Variants in CDH18 observed in about 807,000 individuals in gnomAD.
The protein encoded by CDH18 is cadherin-18.
Under a neutral mutation model 67.9 loss-of-function variants are expected in CDH18, and 31 were observed. The ratio of observed to expected loss-of-function variants is 0.46; its 90% CI spans 0.34 to 0.62. The LOEUF is 0.62. Ranked by LOEUF, CDH18 falls within the 20% of genes least tolerant of loss-of-function variation. CDH18 has a pLI of 0.01. For missense variants in CDH18, 890 were observed against 975.5 expected, an observed-to-expected ratio of 0.91 and a Z score of 1.17; for synonymous variants, 362 against 347.2, an observed-to-expected ratio of 1.04 and a Z score of -0.48.
At chr5:19,563,991 G>T (rs1490334132) in intron 8 of CDH18, among the ~76,000 whole-genome samples, 1 of 152,162 alleles carries the variant, frequency 6.6e-6, no homozygotes, top group Non-Finnish European at 1.5e-5. Context: ...AGCAAAAAGT[G>T]ACAGAACACA....
intron 2 of CDH18, among the ~76,000 whole-genome samples, chr5:19,967,899 T>C (rs1278872765): frequency 1.3e-5 from 2 of 152,098 alleles, no homozygotes; most frequent in Admixed American, 6.6e-5. Flanking sequence ...GGAAGTCAAA[T>C]TGTCCCTGTC....
At chr5:20,008,330 A>G (rs1034915262) in intron 2 of CDH18, among the ~76,000 whole-genome samples, 1 of 152,150 alleles carries the variant, frequency 6.6e-6, no homozygotes, top group African/African-American at 2.4e-5. Context: ...AATTTCTGAG[A>G]ACAAACCTTT....
chr5:19,795,029 C>T (rs1776717176), intron 3 of CDH18, among the ~76,000 whole-genome samples: 1 of 152,056 alleles, frequency 6.6e-6, no homozygotes, highest in South Asian at 2.1e-4. Flanking sequence ...TGTTTCCTGT[C>T]CCACAACCTG....
chr5:20,422,734 G>T (rs1747961035), intron 1 of CDH18, among the ~76,000 whole-genome samples: 2 of 151,046 alleles, frequency 1.3e-5, no homozygotes, highest in Admixed American at 1.3e-4. Context: ...CTGAAAGTAG[G>T]TGAAAAACTA....
rs570235662 is a variant in CDH18, at chr5:20,377,188, T to C, written c.-579-121683A>G. ...TCAACATTTGTCTGCCAATAGAATT[T>C]TGATGGTGTACTGAATAACAATAAC... On this transcript the variant is annotated intron_variant, in intron 1 of 14. Coordinates refer to the CDH18 transcript ENST00000507958. 9.2e-5 allele frequency among the ~76,000 whole-genome samples: 14 copies of C among 152,270 alleles called. No individual in the cohort carries two copies. The East Asian group carries it at 2.7e-3, about 29-fold the overall frequency.
chr5:20,403,271 AT>A (rs551757913), intron 1 of CDH18, among the ~76,000 whole-genome samples: 19 of 151,144 alleles, frequency 1.3e-4, no homozygotes, highest in African/African-American at 2.4e-4. Flanking sequence ...TATAGCCTTA[AT>A]TTTTTTTTTC....
intron 1 of CDH18, among the ~76,000 whole-genome samples, chr5:20,494,711 A>G (rs1561062531): frequency 6.6e-6 from 1 of 152,156 alleles, no homozygotes; most frequent in Admixed American, 6.6e-5. Context: ...CAGATAACCC[A>G]GAGTCTCATT....
chr5:19,982,332 CTAA>C (rs1238578088), intron 1 of CDH18, among the ~76,000 whole-genome samples: 1 of 151,940 alleles, frequency 6.6e-6, no homozygotes, highest in African/African-American at 2.4e-5. Flanking sequence ...GTAAAAACTA[CTAA>C]TGAGACATTA....
chr5:19,780,250 A>C (rs1774943781), intron 3 of CDH18, among the ~76,000 whole-genome samples: 1 of 152,116 alleles, frequency 6.6e-6, no homozygotes, highest in Admixed American at 6.6e-5. Context: ...ATACAAACTT[A>C]CCTGCTGTAT....
intron 1 of CDH18, among the ~76,000 whole-genome samples, chr5:20,415,629 CA>C (rs1747235008): frequency 6.6e-6 from 1 of 151,352 alleles, no homozygotes; most frequent in African/African-American, 2.4e-5. Flanking sequence ...AAAAATTAGC[CA>C]GGCATGGTGG....
At chr5:20,195,645 A>C (rs2126732806) in intron 2 of CDH18, among the ~76,000 whole-genome samples, 1 of 152,200 alleles carries the variant, frequency 6.6e-6, no homozygotes, top group Admixed American at 6.5e-5. Flanking sequence ...ATCCTTAAGA[A>C]AATTTATGTT....
At chr5:20,539,627 A>G (rs938859663) in intron 1 of CDH18, among the ~76,000 whole-genome samples, 2 of 152,070 alleles carry the variant, frequency 1.3e-5, no homozygotes, top group African/African-American at 4.8e-5. Flanking sequence ...AAAGTCTAGA[A>G]AAGAGAGTGA....
rs180833925 is a variant in CDH18 at position 19,678,074 on chromosome 5, G to C, written c.643+43273C>G. 2.0e-3 allele frequency among the ~76,000 whole-genome samples: 307 copies of C among 152,006 alleles called. 1 individual carries two copies. Among genetic ancestry groups the C allele is most frequent in the Middle Eastern group, 0.017 (5 of 294 alleles). ...CAGTAATAGACAGATCATCGAGGCA[G>C]AAAATTAACAAAGATATTTGAGATC... is the stretch of plus-strand genomic sequence containing the variant. On this transcript the variant is annotated intron_variant, in intron 5 of 12. Coordinates refer to ENST00000382275, the MANE Select transcript of CDH18 (RefSeq NM_004934.5).
At chr5:19,680,216 C>T (rs1297602996) in intron 5 of CDH18, among the ~76,000 whole-genome samples, 1 of 151,958 alleles carries the variant, frequency 6.6e-6, no homozygotes, top group Non-Finnish European at 1.5e-5. Context: ...TGATAACTGC[C>T]TAGCCATATG....
At chr5:19,903,820 C>T (rs76353963) in intron 2 of CDH18, among the ~76,000 whole-genome samples, 4,943 of 151,764 alleles carry the variant, frequency 0.033, 245 homozygotes, top group African/African-American at 0.1. Flanking sequence ...GGCTGTGCTC[C>T]AGAAAAATTA....
intron 1 of CDH18, among the ~76,000 whole-genome samples, chr5:20,462,896 C>G (rs945233523): frequency 6.6e-6 from 1 of 152,172 alleles, no homozygotes; most frequent in Non-Finnish European, 1.5e-5. Context: ...GCTTCTCCCT[C>G]AAACTCTATT....
intron 2 of CDH18, among the ~76,000 whole-genome samples, chr5:19,964,557 G>A (rs1797236341): frequency 6.6e-6 from 1 of 151,190 alleles, no homozygotes; most frequent in Non-Finnish European, 1.5e-5. Flanking sequence ...GCTGAAGTGG[G>A]AGGATTTCTT....
intron 10 of CDH18, among the ~76,000 whole-genome samples, chr5:19,518,306 A>G (rs1228735462): frequency 6.6e-6 from 1 of 152,216 alleles, no homozygotes; most frequent in Non-Finnish European, 1.5e-5. Context: ...AGGCCATATC[A>G]GCCTGAGGCT....
intron 3 of CDH18, among the ~76,000 whole-genome samples, chr5:19,794,488 G>C (rs1278925350): frequency 8.5e-5 from 13 of 152,052 alleles, no homozygotes; most frequent in Admixed American, 8.5e-4. Context: ...CCAATGTTGA[G>C]ACAGAAGATA....
Sources: allele counts gnomAD v4.1 joint callset (sites outside exome capture counted in the v4.1 genomes callset), GRCh38; gene constraint gnomAD v4.1.1; transcripts MANE v1.5; gene names NCBI Gene and HGNC (gene_info 2026-07-23, HGNC 2026-07-21).